Variants in IL33 observed in about 807,000 individuals in gnomAD.
The protein encoded by IL33 is interleukin-33.
IL33 carries 37 observed loss-of-function variants against 27.3 expected under a neutral mutation model. The observed-to-expected ratio is 1.36, with a 90% CI of 1.04 to 1.78. The LOEUF (loss-of-function observed/expected upper bound fraction) is 1.78, where lower values mean the gene tolerates loss of function less well. Among genes scored for constraint, IL33 ranks in the 40% most tolerant of loss-of-function variants. The probability of loss-of-function intolerance (pLI) is 0.00; values close to 1 mark genes in which losing one functional copy is unlikely to be tolerated. For synonymous variants in IL33, 132 were observed against 102.9 expected (o/e 1.28, Z -1.71); for missense variants, 406 against 311.4 (o/e 1.30, Z -2.29).
At chr9:6,232,964 A>T (rs1818997627) in intron 1 of IL33, among the ~76,000 whole-genome samples, 1 of 152,162 alleles carries the variant, frequency 6.6e-6, no homozygotes, top group South Asian at 2.1e-4. Context: ...ACTCCCATTT[A>T]AAAAATTCCT....
intron 1 of IL33, among the ~76,000 whole-genome samples, chr9:6,236,453 G>T (rs1819215768): frequency 6.6e-6 from 1 of 152,262 alleles, no homozygotes; most frequent in South Asian, 2.1e-4. Flanking sequence ...GTAGAAAAGA[G>T]AAAGGAAATT....
chr9:6,237,298 T>C (rs1291902371), intron 1 of IL33, among the ~76,000 whole-genome samples: 1 of 152,132 alleles, frequency 6.6e-6, no homozygotes, highest in Non-Finnish European at 1.5e-5. Context: ...AAAAAAATGG[T>C]GAAAAGAGTG....
At chr9:6,219,420 T>C (rs1209601454) in intron 1 of IL33, among the ~76,000 whole-genome samples, 1 of 152,176 alleles carries the variant, frequency 6.6e-6, no homozygotes, top group Non-Finnish European at 1.5e-5. Context: ...AGCGGACTCC[T>C]GGCACATGCT....
At chr9:6,219,150 TA>T (rs1055052628) in intron 1 of IL33, among the ~76,000 whole-genome samples, 1 of 151,436 alleles carries the variant, frequency 6.6e-6, no homozygotes, top group African/African-American at 2.4e-5. Flanking sequence ...AGACCAAATA[TA>T]AACTCCTGAA....
At chr9:6,241,121 T>C (rs2130314253) in intron 1 of IL33, among the ~76,000 whole-genome samples, 1 of 152,302 alleles carries the variant, frequency 6.6e-6, no homozygotes, top group South Asian at 2.1e-4. Flanking sequence ...TGTCATTTCC[T>C]ATAACAATGT....
chr9:6,253,528 G>A (rs760078390), intron 5 of IL33, 24 bp from the exon 6 acceptor site: 55 of 1,573,056 alleles, frequency 3.5e-5, no homozygotes, highest in Non-Finnish European at 4.7e-5. Flanking sequence ...TCTCACCAGA[G>A]GGATTTTATG....
chr9:6,234,870 T>G (rs768718461), intron 1 of IL33, among the ~76,000 whole-genome samples: 2 of 152,220 alleles, frequency 1.3e-5, no homozygotes, highest in Non-Finnish European at 2.9e-5. Context: ...AAAAGATTCG[T>G]GTTGTCCACA....
At chr9:6,241,610 T>C (rs1819531517) in intron 1 of IL33, 74 bp from the exon 2 acceptor site, 1 of 799,686 alleles carries the variant, frequency 1.3e-6, no homozygotes, top group Non-Finnish European at 2.0e-6. Context: ...AATTTGGTAG[T>C]GAGCTAGCCA....
chr9:6,253,034 T>C (rs1816501050), intron 5 of IL33, 43 bp downstream of exon 5: 2 of 1,242,608 alleles, frequency 1.6e-6, no homozygotes, highest in South Asian at 1.4e-5. Context: ...TAATGACTAA[T>C]AAAAGTAAAA....
intron 7 of IL33, among the ~76,000 whole-genome samples, chr9:6,254,964 T>C (rs1816644751): frequency 6.6e-6 from 1 of 152,186 alleles, no homozygotes; most frequent in Non-Finnish European, 1.5e-5. Flanking sequence ...ACTATGTTCC[T>C]CTAGGAAACG....
At position 6,257,743 on chromosome 9, in the gene IL33, G is replaced by C. The variant is rs1450421734; in HGVS notation, c.*1575G>C. On this transcript the variant is annotated 3_prime_UTR_variant, in exon 8 of 8. Coordinates refer to ENST00000682010, the MANE Select transcript of IL33 (RefSeq NM_033439.4). ...AGTGCTAGTAGAATATAAGATAAAA[G>C]AGGCTGAGAATTACCATACAAGGGT... is the stretch of plus-strand genomic sequence containing the variant. The C allele has an allele frequency of 1.3e-5, 2 of 152,144 alleles. No homozygotes were observed. Among genetic ancestry groups the C allele is most frequent in the Admixed American group, 6.6e-5 (1 of 15,264 alleles). The allele number at this position is 152,144 out of a possible 1,614,324, so 9.4% of individuals were successfully genotyped here. A position where few individuals can be genotyped will look rare whatever the true frequency, so the allele number is the denominator to read the frequency against.
intron 1 of IL33, among the ~76,000 whole-genome samples, chr9:6,237,784 G>T (rs1195157119): frequency 6.6e-6 from 1 of 152,056 alleles, no homozygotes; most frequent in African/African-American, 2.4e-5. Flanking sequence ...TTTTTTGAAT[G>T]ACCAGGAATT....
chr9:6,241,170 C>T (rs538433899), intron 1 of IL33, among the ~76,000 whole-genome samples: 1 of 152,222 alleles, frequency 6.6e-6, no homozygotes, highest in South Asian at 2.1e-4. Flanking sequence ...CTGCCTGAGG[C>T]TGCTTTACAA....
At chr9:6,253,970 T>C (rs983709902) in intron 6 of IL33, among the ~76,000 whole-genome samples, 3 of 152,172 alleles carry the variant, frequency 2.0e-5, no homozygotes, top group African/African-American at 7.2e-5. Flanking sequence ...AGCATGACAA[T>C]GCCTGGTCAG....
In IL33 at chr9:6,250,597, C is replaced by G. The variant is rs1490379841; in HGVS notation, c.215C>G (p.Thr72Arg). The part of the protein sequence containing the change: ...RETTKRPSLK[T>R]GRKHKRHLVL... ...ACCACCAAAAGGCCTTCACTGAAAACAGGTAAGGGGAACCGTACATTCTCT... is the reference window on the plus strand; with the variant it reads ...ACCACCAAAAGGCCTTCACTGAAAAGAGGTAAGGGGAACCGTACATTCTCT... Residue 72 changes from threonine to arginine, a missense_variant and splice_region_variant, in exon 3 of 8, where the codon ACA becomes AGA. By Grantham distance (71) the Thr-to-Arg change is moderately conservative. Transcript: ENST00000682010. 1 of 1,612,984 alleles carries G rather than the reference C, an allele frequency of 6.2e-7. No homozygotes were observed. Among genetic ancestry groups the G allele is most frequent in the East Asian group, 2.2e-5 (1 of 44,860 alleles).
At chr9:6,234,869 G>A (rs996863272) in intron 1 of IL33, among the ~76,000 whole-genome samples, 5 of 152,048 alleles carry the variant, frequency 3.3e-5, no homozygotes, top group African/African-American at 4.8e-5. Context: ...CAAAAGATTC[G>A]TGTTGTCCAC....
At chr9:6,233,738 C>G (rs1425045470) in intron 1 of IL33, among the ~76,000 whole-genome samples, 7 of 152,130 alleles carry the variant, frequency 4.6e-5, no homozygotes, top group African/African-American at 1.7e-4. Context: ...GAAACTGAGG[C>G]TTCAGAGACA....
At chr9:6,254,692 T>C (rs1816625430) in intron 7 of IL33, 139 bp downstream of exon 7, 2 of 416,220 alleles carry the variant, frequency 4.8e-6, no homozygotes, top group African/African-American at 4.1e-5. Flanking sequence ...TAAAGCACAA[T>C]CACTTACTAC....
chr9:6,250,305 A>G (rs1307480504), intron 2 of IL33, among the ~76,000 whole-genome samples, 169 bp from the exon 3 acceptor site: 1 of 152,206 alleles, frequency 6.6e-6, no homozygotes, highest in African/African-American at 2.4e-5. Flanking sequence ...GCTCTATATT[A>G]CAATCCTAAA....
Sources: allele counts gnomAD v4.1 joint callset (sites outside exome capture counted in the v4.1 genomes callset), GRCh38; gene constraint gnomAD v4.1.1; transcripts MANE v1.5; gene names NCBI Gene and HGNC (gene_info 2026-07-23, HGNC 2026-07-21).